The following DLG2 variants were observed in gnomAD, a reference collection of about 807,000 sequenced individuals.
DLG2 encodes disks large homolog 2.
In DLG2, 45 loss-of-function variants were observed where a neutral mutation model predicts 132.5. The observed-to-expected ratio is 0.34, with a 90% CI of 0.27 to 0.44. The LOEUF (loss-of-function observed/expected upper bound fraction) is 0.44. Ranked by LOEUF, DLG2 falls within the 20% of genes least tolerant of loss-of-function variation. The probability of loss-of-function intolerance (pLI) is 1.00; values close to 1 mark genes in which losing one functional copy is unlikely to be tolerated. For synonymous variants in DLG2, 424 were observed against 419.6 expected (o/e 1.01, Z -0.13); for missense variants, 1,045 against 1,196.9 (o/e 0.87, Z 1.87).
Position 83,906,285 on chromosome 11 carries a change from A to T in DLG2, c.1496+24043T>A, listed in dbSNP as rs1334736787. Among the ~76,000 whole-genome samples the T allele has an allele frequency of 5.0e-3, 708 of 141,360 alleles. 43 individuals are homozygous for T. The highest frequency in any genetic ancestry group is 0.014 in the South Asian group (61 of 4,210). The allele number at this position is 141,360 out of a possible 152,430, so 92.7% of individuals were successfully genotyped here. ...CACACACACACACACACACACACACACACACACACACACACACACACACAC... is the reference window on the plus strand; with the variant it reads ...CACACACACACACACACACACACACTCACACACACACACACACACACACAC... On this transcript the variant is annotated intron_variant, in intron 15 of 27. Coordinates refer to ENST00000376104, the MANE Select transcript of DLG2 (RefSeq NM_001142699.3).
chr11:84,690,495 A>C (rs2057904979), intron 6 of DLG2, among the ~76,000 whole-genome samples: 1 of 151,816 alleles, frequency 6.6e-6, no homozygotes, highest in South Asian at 2.1e-4. Context: ...CCATCCCTCC[A>C]TCCCTTATCC....
At chr11:84,097,228 C>T (rs2097177441) in intron 10 of DLG2, among the ~76,000 whole-genome samples, 1 of 152,164 alleles carries the variant, frequency 6.6e-6, no homozygotes, top group Non-Finnish European at 1.5e-5. Flanking sequence ...CTCAATTAGG[C>T]TTTGACCTTA....
chr11:85,448,058 A>G (rs286516), intron 3 of DLG2, among the ~76,000 whole-genome samples: 13,449 of 152,212 alleles, frequency 0.088, 1,091 homozygotes, highest in East Asian at 0.31. Flanking sequence ...AGCATTTCTT[A>G]GCCTCGATTG....
intron 8 of DLG2, among the ~76,000 whole-genome samples, chr11:84,242,487 C>G (rs2097244002): frequency 6.6e-6 from 1 of 151,802 alleles, no homozygotes; most frequent in African/African-American, 2.4e-5. Context: ...CTCACTGCAA[C>G]TGCTGCCTCC....
At chr11:83,590,753 TAAA>T (rs1199518536) in intron 19 of DLG2, among the ~76,000 whole-genome samples, 2 of 150,748 alleles carry the variant, frequency 1.3e-5, no homozygotes, top group African/African-American at 4.9e-5. Context: ...GCAAGACTAA[TAAA>T]GAAAAAAAGA....
At chr11:85,272,250 A>G (rs1595863082) in intron 4 of DLG2, among the ~76,000 whole-genome samples, 1 of 152,100 alleles carries the variant, frequency 6.6e-6, no homozygotes, top group East Asian at 1.9e-4. Context: ...TTTCTGCCAT[A>G]ATTGTGAGGC....
intron 19 of DLG2, among the ~76,000 whole-genome samples, chr11:83,566,197 C>T (rs899517517): frequency 5.9e-5 from 9 of 152,130 alleles, no homozygotes; most frequent in East Asian, 1.9e-4. Context: ...AGTTATTACA[C>T]GGGAGCAGCT....
intron 22 of DLG2, among the ~76,000 whole-genome samples, chr11:83,475,050 G>A (rs1219134795): frequency 6.6e-6 from 1 of 152,146 alleles, no homozygotes; most frequent in African/African-American, 2.4e-5. Flanking sequence ...GTTCAGAGCA[G>A]TAGTGTTGGT....
At position 83,541,848 on chromosome 11, in the gene DLG2, C is replaced by T. The variant is rs368184055; in HGVS notation, c.1951G>A (p.Asp651Asn). 5.6e-6 allele frequency: 9 copies of T among 1,604,944 alleles called. No homozygotes were observed. The African/African-American group carries it at 6.7e-5, about 12-fold the overall frequency. Residue 651 changes from aspartate to asparagine, a missense_variant, in exon 20 of 28, where the codon GAC becomes AAC. This residue lies in a region of DLG2 where 398 missense variants were observed against 543.6 expected (regional missense o/e 0.73). Transcript: ENST00000376104. ...KRSLYVRAMF[D>N]YDKSKDSGLP... ...CCACTGTCCTTGCTCTTGTCGTAGTCGAACATGGCTCTGGAGGAAAGGACA... is the reference window on the plus strand; with the variant it reads ...CCACTGTCCTTGCTCTTGTCGTAGTTGAACATGGCTCTGGAGGAAAGGACA...
intron 4 of DLG2, among the ~76,000 whole-genome samples, chr11:85,179,249 A>G (rs2079532458): frequency 6.6e-6 from 1 of 151,900 alleles, no homozygotes; most frequent in Non-Finnish European, 1.5e-5. Flanking sequence ...TGCAAAAGGG[A>G]GAGTGCAAGC....
At chr11:85,624,421 C>T (rs899496651) in intron 2 of DLG2, among the ~76,000 whole-genome samples, 1 of 152,114 alleles carries the variant, frequency 6.6e-6, no homozygotes, top group African/African-American at 2.4e-5. Context: ...TGAATAAACA[C>T]TTGGCTCAGT....
intron 6 of DLG2, among the ~76,000 whole-genome samples, chr11:84,609,559 A>G (rs1052179661): frequency 3.3e-5 from 5 of 152,138 alleles, no homozygotes; most frequent in Admixed American, 1.3e-4. Flanking sequence ...GCACTTAATT[A>G]CACTAGGCCT....
At chr11:85,226,088 T>A (rs1319214928) in intron 4 of DLG2, among the ~76,000 whole-genome samples, 2 of 151,878 alleles carry the variant, frequency 1.3e-5, no homozygotes, top group Non-Finnish European at 2.9e-5. Context: ...ATTTCTTGAG[T>A]TCAATCATTG....
At chr11:85,391,096 A>C (rs1416084287) in intron 3 of DLG2, among the ~76,000 whole-genome samples, 1 of 152,104 alleles carries the variant, frequency 6.6e-6, no homozygotes, top group Non-Finnish European at 1.5e-5. Flanking sequence ...TAGAGGAAAA[A>C]CAGGAGATAT....
intron 6 of DLG2, among the ~76,000 whole-genome samples, chr11:84,817,142 C>A (rs956526139): frequency 6.6e-6 from 1 of 152,022 alleles, no homozygotes; most frequent in Admixed American, 6.6e-5. Context: ...TCAGAGCAAT[C>A]TTTTAAAAGA....
chr11:84,372,792 A>G (rs964031369), intron 7 of DLG2, among the ~76,000 whole-genome samples: 8 of 152,170 alleles, frequency 5.3e-5, no homozygotes, highest in Admixed American at 4.6e-4. Context: ...AACTAAAGGT[A>G]AACAATGTTG....
chr11:85,501,876 T>C (rs1016126327), intron 3 of DLG2, among the ~76,000 whole-genome samples: 7 of 152,174 alleles, frequency 4.6e-5, no homozygotes, highest in African/African-American at 1.7e-4. Flanking sequence ...TGTAAGGATC[T>C]AGAACTAGAA....
intron 14 of DLG2, among the ~76,000 whole-genome samples, chr11:83,949,236 G>C (rs1321014614): frequency 1.3e-5 from 2 of 151,994 alleles, no homozygotes; most frequent in Non-Finnish European, 2.9e-5. Flanking sequence ...TATTTGAAAG[G>C]TATCCAGCAC....
intron 9 of DLG2, among the ~76,000 whole-genome samples, chr11:84,144,996 T>A (rs1302345308): frequency 1.3e-5 from 2 of 152,212 alleles, no homozygotes; most frequent in Non-Finnish European, 2.9e-5. Flanking sequence ...GGATCTTTGT[T>A]ATTTCCAATA....
Sources: allele counts gnomAD v4.1 joint callset (sites outside exome capture counted in the v4.1 genomes callset), GRCh38; gene constraint gnomAD v4.1.1; regional missense constraint gnomAD v4.1.1; transcripts MANE v1.5; gene names NCBI Gene and HGNC (gene_info 2026-07-23, HGNC 2026-07-21).